BST1: variants seen among roughly 807,000 people sequenced by gnomAD.
BST1 encodes bone marrow stromal cell antigen 1.
A neutral mutation model predicts 40.6 loss-of-function variants in BST1; 49 were observed. That is an observed-to-expected ratio of 1.21 (90% CI 0.96 to 1.53). The LOEUF (loss-of-function observed/expected upper bound fraction) is 1.53. Among genes scored for constraint, BST1 ranks in the 40% most tolerant of loss-of-function variants. The probability of loss-of-function intolerance (pLI) is 0.00; values close to 1 mark genes in which losing one functional copy is unlikely to be tolerated. For synonymous variants in BST1, 157 were observed against 159.3 expected, an observed-to-expected ratio of 0.99 and a Z score of 0.11; for missense variants, 423 against 395.9, an observed-to-expected ratio of 1.07 and a Z score of -0.58.
At chr4:15,758,764 G>C in the BST1 span, among the ~76,000 whole-genome samples, 1 of 150,294 alleles carries the variant, frequency 6.7e-6, no homozygotes, top group East Asian at 1.9e-4. Context: ...GATTGTTTTA[G>C]ATTCTTCATT....
chr4:15,752,531 G>C, the BST1 span, among the ~76,000 whole-genome samples: 7 of 151,938 alleles, frequency 4.6e-5, no homozygotes, highest in Admixed American at 4.6e-4. Context: ...TGGGATTACA[G>C]GTATGTGCCA....
chr4:15,720,509 C>T (rs538699769), intron 7 of BST1, among the ~76,000 whole-genome samples: 140 of 150,680 alleles, frequency 9.3e-4, no homozygotes, highest in South Asian at 1.7e-3. Context: ...CCCAGCTACT[C>T]GGGAGGCTGA....
chr4:15,713,463 C>T (rs527654668), intron 4 of BST1, among the ~76,000 whole-genome samples: 8 of 152,160 alleles, frequency 5.3e-5, no homozygotes, highest in African/African-American at 1.9e-4. Flanking sequence ...GGATTACAGG[C>T]GTGAGCCACT....
At chr4:15,762,188 C>CAAAAA in the BST1 span, among the ~76,000 whole-genome samples, 42 of 61,250 alleles carry the variant, frequency 6.9e-4, no homozygotes, top group Non-Finnish European at 7.8e-4. Flanking sequence ...GACTCCATCT[C>CAAAAA]AAAAAAAAAA....
intron 3 of BST1, among the ~76,000 whole-genome samples, chr4:15,710,876 G>GCC (rs1375063870): frequency 2.6e-5 from 4 of 151,440 alleles, no homozygotes; most frequent in Admixed American, 2.6e-4. Flanking sequence ...TGCAGCATTC[G>GCC]CCCCCCAGGT....
At chr4:15,723,532 G>A (rs1264830586) in intron 8 of BST1, 12 of 985,228 alleles carry the variant, frequency 1.2e-5, no homozygotes, top group Non-Finnish European at 1.4e-5. Context: ...ACAGGCGTAA[G>A]CCACCACGCC....
chr4:15,711,973 G>C, intron 4 of BST1, 84 bp downstream of exon 4: 3 of 1,172,916 alleles, frequency 2.6e-6, no homozygotes, highest in Non-Finnish European at 3.8e-6. Context: ...CTGGGCCCCA[G>C]GTCATCACTC....
the BST1 span, among the ~76,000 whole-genome samples, chr4:15,756,239 C>T: frequency 2.6e-5 from 4 of 152,268 alleles, no homozygotes; most frequent in African/African-American, 9.6e-5. Context: ...AAGAAAAGTA[C>T]TAGACAATCT....
intron 4 of BST1, among the ~76,000 whole-genome samples, chr4:15,714,246 G>T (rs1041220835): frequency 6.6e-6 from 1 of 152,170 alleles, no homozygotes; most frequent in East Asian, 1.9e-4. Context: ...CACTTTGCTA[G>T]GGAGTGAATC....
Position 15,703,357 on chromosome 4 carries a change from G to A in BST1, c.188+25G>A, listed in dbSNP as rs780116865. The stretch of plus-strand genomic sequence containing the variant: ...GGTGAGGCAGTCGGCCGGGTGGAAG[G>A]GGAGCCGGAAAGAGGCAACGGTGGG... On this transcript the variant is annotated intron_variant, in intron 1 of 8. Coordinates refer to ENST00000265016, the MANE Select transcript of BST1 (RefSeq NM_004334.3). The A allele has an allele frequency of 5.4e-5, 80 of 1,492,362 alleles. No individual in the cohort carries two copies. In the Middle Eastern group the frequency reaches 1.2e-3, roughly 22 times the overall value. 92.4% of individuals were successfully genotyped at this position (1,492,362 alleles called of 1,614,324 possible). A position where few individuals can be genotyped will look rare whatever the true frequency, so the allele number is the denominator to read the frequency against.
intron 7 of BST1, among the ~76,000 whole-genome samples, chr4:15,721,012 C>G (rs973828270): frequency 2.0e-5 from 3 of 152,176 alleles, no homozygotes; most frequent in African/African-American, 7.2e-5. Flanking sequence ...TATGTGCTTC[C>G]TCTCTATTGT....
chr4:15,769,825 C>A, the BST1 span, among the ~76,000 whole-genome samples: 2 of 151,966 alleles, frequency 1.3e-5, no homozygotes. Flanking sequence ...TGCTCTATTT[C>A]CACTTTTAAA....
chr4:15,728,449 C>CTTTTT (rs974237825), intron 8 of BST1, among the ~76,000 whole-genome samples: 3 of 119,596 alleles, frequency 2.5e-5, no homozygotes, highest in African/African-American at 6.4e-5. Flanking sequence ...AATTCTTTTT[C>CTTTTT]TTTTTTTTTT....
chr4:15,770,807 G>A, the BST1 span, among the ~76,000 whole-genome samples: 2 of 152,178 alleles, frequency 1.3e-5, no homozygotes, highest in African/African-American at 4.8e-5. Context: ...ACTTGCTAGG[G>A]GCCAGACATT....
At chr4:15,715,387 CA>C (rs927627758) in intron 5 of BST1, 26 bp downstream of exon 5, 16 of 1,605,188 alleles carry the variant, frequency 1.0e-5, no homozygotes, top group Non-Finnish European at 1.2e-5. Context: ...CATTCAAACA[CA>C]AGAGAGAATG....
chr4:15,708,498 G>A (rs1049813037), intron 3 of BST1, among the ~76,000 whole-genome samples: 8 of 152,244 alleles, frequency 5.3e-5, no homozygotes, highest in Non-Finnish European at 1.0e-4. Flanking sequence ...GCTTCAGAAG[G>A]GAGGCTAGCA....
the BST1 span, among the ~76,000 whole-genome samples, chr4:15,748,299 A>C: frequency 2.2e-3 from 328 of 152,326 alleles, 2 homozygotes; most frequent in African/African-American, 7.6e-3. Flanking sequence ...ACTGAAGCTT[A>C]GTTATTTGTC....
chr4:15,747,489 T>A, the BST1 span, among the ~76,000 whole-genome samples: 1 of 152,178 alleles, frequency 6.6e-6, no homozygotes, highest in Non-Finnish European at 1.5e-5. Flanking sequence ...TCGGAGTTTT[T>A]CCGTGAAGCC....
At chr4:15,708,252 C>T (rs997005360) in intron 3 of BST1, among the ~76,000 whole-genome samples, 2 of 152,232 alleles carry the variant, frequency 1.3e-5, no homozygotes, top group East Asian at 1.9e-4. Flanking sequence ...GCAGATATTT[C>T]GAGATCCAAG....
Sources: gnomAD v4.1 joint callset for allele counts (sites outside exome capture counted in the v4.1 genomes callset) on GRCh38, gnomAD v4.1.1 for gene constraint, MANE v1.5 for transcripts, NCBI Gene and HGNC (gene_info 2026-07-23, HGNC 2026-07-21) for gene names.